Variants in ROCK1 observed in about 807,000 individuals in gnomAD.
ROCK1 encodes rho-associated protein kinase 1.
Under a neutral mutation model 196.8 loss-of-function variants are expected in ROCK1, and 36 were observed. The ratio of observed to expected loss-of-function variants is 0.18; its 90% CI spans 0.14 to 0.24. The LOEUF (loss-of-function observed/expected upper bound fraction) is 0.24. Ranked by LOEUF, ROCK1 falls within the 10% of genes least tolerant of loss-of-function variation. ROCK1 has a pLI of 1.00. For missense variants in ROCK1, 920 were observed against 1,562.0 expected (o/e 0.59, Z 6.93); for synonymous variants, 443 against 515.9 (o/e 0.86, Z 1.91).
At chr18:20,971,921 G>C (rs1003451726) in intron 22 of ROCK1, among the ~76,000 whole-genome samples, 1 of 152,122 alleles carries the variant, frequency 6.6e-6, no homozygotes, top group Non-Finnish European at 1.5e-5. Flanking sequence ...TAGAAGAAAA[G>C]TAGGGGGAAG....
chr18:21,074,264 A>T (rs915403327), intron 1 of ROCK1, among the ~76,000 whole-genome samples: 2 of 152,252 alleles, frequency 1.3e-5, no homozygotes, highest in African/African-American at 2.4e-5. Context: ...GGGAATTTTA[A>T]CAACCTGATA....
At chr18:21,023,164 A>AGAAAAGGT in intron 11 of ROCK1, among the ~76,000 whole-genome samples, 1 of 152,104 alleles carries the variant, frequency 6.6e-6, no homozygotes, top group South Asian at 2.1e-4. Context: ...CTAGAGATGG[A>AGAAAAGGT]TGGCAGTGAT....
chr18:20,959,171 ATATATATAATAT>A (rs1242182129), intron 29 of ROCK1, among the ~76,000 whole-genome samples: 3 of 61,982 alleles, frequency 4.8e-5, no homozygotes, highest in African/African-American at 1.4e-4. Context: ...ATATTATATA[ATATATATAATAT>A]TATATATAAT....
At chr18:21,019,219 T>C (rs1327671938) in intron 12 of ROCK1, among the ~76,000 whole-genome samples, 1 of 152,118 alleles carries the variant, frequency 6.6e-6, no homozygotes, top group Non-Finnish European at 1.5e-5. Context: ...AACGGTGTGA[T>C]CTCGACTTCC....
chr18:20,954,650 C>T, intron 31 of ROCK1, 133 bp downstream of exon 31: 2 of 821,974 alleles, frequency 2.4e-6, no homozygotes, highest in South Asian at 1.9e-5. Flanking sequence ...CTGCATATTG[C>T]CCCACCAGTG....
intron 16 of ROCK1, among the ~76,000 whole-genome samples, chr18:20,993,522 A>C (rs1450091192): frequency 6.6e-6 from 1 of 152,174 alleles, no homozygotes; most frequent in Admixed American, 6.5e-5. Flanking sequence ...TTCTAACCAC[A>C]TTAAAGGTGA....
At chr18:21,002,705 A>G (rs2035735350) in intron 16 of ROCK1, among the ~76,000 whole-genome samples, 1 of 152,154 alleles carries the variant, frequency 6.6e-6, no homozygotes, top group Non-Finnish European at 1.5e-5. Context: ...CTAACACCAC[A>G]AAAAGATACA....
chr18:20,986,736 A>G (rs2035581479), intron 19 of ROCK1, among the ~76,000 whole-genome samples: 1 of 152,228 alleles, frequency 6.6e-6, no homozygotes, highest in Admixed American at 6.5e-5. Flanking sequence ...TCATAGTGAA[A>G]AATGGCATAG....
intron 2 of ROCK1, among the ~76,000 whole-genome samples, chr18:21,052,509 T>C (rs1238042175): frequency 3.9e-5 from 6 of 152,138 alleles, no homozygotes; most frequent in Admixed American, 6.6e-5. Flanking sequence ...AAACAATGCA[T>C]GCACTAGAAC....
Position 20,949,761 on chromosome 18 carries a change from T to C in ROCK1, c.*1623A>G, listed in dbSNP as rs2035165563. On this transcript the variant is annotated 3_prime_UTR_variant, in exon 33 of 33. Coordinates refer to ENST00000399799, the MANE Select transcript of ROCK1 (RefSeq NM_005406.3). ...CACGTTTTATCTTTTAAAAATACAC[T>C]TTAATCTAACCATGGAATTTCACAA... The C allele has an allele frequency of 1.3e-5, 2 of 152,630 alleles. No individual in the cohort carries two copies. Among genetic ancestry groups the C allele is most frequent in the African/African-American group, 4.8e-5 (2 of 41,464 alleles). 9.5% of individuals were successfully genotyped at this position (152,630 alleles called of 1,614,324 possible). A position where few individuals can be genotyped will look rare whatever the true frequency, so the allele number is the denominator to read the frequency against.
chr18:20,959,420 C>T lies in ROCK1; in HGVS notation c.3512+420G>A, dbSNP rs181708006. Among the ~76,000 whole-genome samples the T allele has an allele frequency of 2.9e-3, 438 of 150,436 alleles. 3 individuals carry two copies. The highest frequency in any genetic ancestry group is 0.01 in the African/African-American group (419 of 40,874). ...AGAGATGGGGTTTCACCATGTTGGT[C>T]AGGCTGGTCTTGAATTCCTGACCTC... On this transcript the variant is annotated intron_variant, in intron 29 of 32. Transcript: ENST00000399799.
At chr18:20,990,026 T>G (rs544147692) in intron 18 of ROCK1, among the ~76,000 whole-genome samples, 1 of 150,062 alleles carries the variant, frequency 6.7e-6, no homozygotes, top group Non-Finnish European at 1.5e-5. Context: ...AAGGATCCCT[T>G]GAGCCCAGGA....
At chr18:21,101,417 G>A (rs1048334618) in intron 1 of ROCK1, among the ~76,000 whole-genome samples, 17 of 152,140 alleles carry the variant, frequency 1.1e-4, no homozygotes, top group African/African-American at 4.1e-4. Context: ...TCCGTGTGAG[G>A]CAAAAGAAAA....
chr18:20,956,540 G>A (rs4414579), intron 29 of ROCK1, among the ~76,000 whole-genome samples: 1 of 152,150 alleles, frequency 6.6e-6, no homozygotes, highest in Admixed American at 6.6e-5. Flanking sequence ...AAACTGTTAA[G>A]TGCAAAGCAA....
chr18:21,078,533 G>A (rs1160163644), intron 1 of ROCK1, among the ~76,000 whole-genome samples: 1 of 152,158 alleles, frequency 6.6e-6, no homozygotes, highest in African/African-American at 2.4e-5. Flanking sequence ...ATGGCAGTCT[G>A]AGTGGATGGA....
chr18:21,048,504 T>G (rs1340188911), intron 4 of ROCK1, among the ~76,000 whole-genome samples: 4 of 152,114 alleles, frequency 2.6e-5, no homozygotes, highest in Non-Finnish European at 5.9e-5. Flanking sequence ...CTATATCTTC[T>G]GTATTTAAAA....
intron 1 of ROCK1, among the ~76,000 whole-genome samples, chr18:21,089,019 A>C (rs377166789): frequency 1.3e-5 from 2 of 152,082 alleles, no homozygotes; most frequent in East Asian, 3.9e-4. Context: ...AATTCCCATT[A>C]TATGTTATTA....
chr18:20,992,202 T>A (rs1419651759), intron 17 of ROCK1, among the ~76,000 whole-genome samples: 2 of 152,162 alleles, frequency 1.3e-5, no homozygotes, highest in Non-Finnish European at 2.9e-5. Context: ...CTATTCTAAT[T>A]GTGACAAAAC....
intron 6 of ROCK1, 96 bp downstream of exon 6, chr18:21,044,006 A>T: frequency 1.4e-6 from 1 of 734,682 alleles, no homozygotes; most frequent in South Asian, 1.8e-5. Flanking sequence ...TGGTTAGTAA[A>T]TTCTTACACC....
Sources: allele counts gnomAD v4.1 joint callset (sites outside exome capture counted in the v4.1 genomes callset), GRCh38; gene constraint gnomAD v4.1.1; transcripts MANE v1.5; gene names NCBI Gene and HGNC (gene_info 2026-07-23, HGNC 2026-07-21).